The following TMEM131L variants were observed in gnomAD, a reference collection of about 807,000 sequenced individuals.
TMEM131L encodes transmembrane 131 like.
TMEM131L carries 54 observed loss-of-function variants against 192.2 expected under a neutral mutation model. That is an observed-to-expected ratio of 0.28 (90% CI 0.23 to 0.35). TMEM131L has a LOEUF of 0.35. Ranked by LOEUF, TMEM131L falls within the 10% of genes least tolerant of loss-of-function variation. TMEM131L has a pLI of 1.00. For missense variants in TMEM131L, 1,888 were observed against 1,972.9 expected (o/e 0.96, Z 0.82); for synonymous variants, 701 against 704.9 (o/e 0.99, Z 0.09).
At chr4:153,629,598 C>T (rs1734076544) in intron 31 of TMEM131L, among the ~76,000 whole-genome samples, 1 of 152,200 alleles carries the variant, frequency 6.6e-6, no homozygotes, top group Non-Finnish European at 1.5e-5. Context: ...ATGTGAGTTG[C>T]CCATTCAAAT....
At chr4:153,575,517 G>C (rs1371243674) in intron 7 of TMEM131L, among the ~76,000 whole-genome samples, 1 of 151,910 alleles carries the variant, frequency 6.6e-6, no homozygotes, top group East Asian at 1.9e-4. Context: ...TGAAAAACCT[G>C]ATTTTTTTTT....
intron 15 of TMEM131L, 143 bp downstream of exon 15, chr4:153,587,954 C>A: frequency 1.6e-6 from 1 of 635,772 alleles, no homozygotes; most frequent in Non-Finnish European, 2.8e-6. Context: ...AACAGAATGA[C>A]TTAAAATTGT....
chr4:153,516,388 C>T (rs560564094), intron 3 of TMEM131L, among the ~76,000 whole-genome samples: 7 of 152,238 alleles, frequency 4.6e-5, no homozygotes, highest in Admixed American at 4.6e-4. Context: ...CACCACTGTG[C>T]CGGGCTAATT....
At position 153,557,014 on chromosome 4, in the gene TMEM131L, A is replaced by C; in HGVS notation, c.481A>C (p.Thr161Pro). 1 of 1,603,308 alleles carries C rather than the reference A, an allele frequency of 6.2e-7. No homozygotes were observed. The highest frequency in any genetic ancestry group is 8.5e-7 in the Non-Finnish European group (1 of 1,171,202). The change falls in exon 6 of 35, where the codon ACT (threonine) becomes CCT (proline). Residue 161 changes from threonine (T) to proline (P), a missense_variant. Physicochemically the swap from Thr to Pro is conservative, Grantham distance 38. Coordinates refer to ENST00000409959, the MANE Select transcript of TMEM131L (RefSeq NM_001131007.2). ...KTSFRIIFLP[T>P]EEGSIESSLF... is the part of the protein sequence containing the mutation. ...TTCCTTCAGAATTATTTTCTTACCT[A>C]CTGAAGAAGGAAGCATTGAAAGTTC...
intron 25 of TMEM131L, among the ~76,000 whole-genome samples, chr4:153,606,247 TC>T (rs1261971443): frequency 1.3e-5 from 2 of 152,118 alleles, no homozygotes; most frequent in Non-Finnish European, 2.9e-5. Context: ...GTTACGTGAG[TC>T]TTTTAGGCTT....
intron 16 of TMEM131L, among the ~76,000 whole-genome samples, chr4:153,589,656 C>T (rs767578423): frequency 8.5e-5 from 13 of 152,198 alleles, no homozygotes; most frequent in East Asian, 1.9e-4. Context: ...TAAGGGCCAA[C>T]GACTGCACAC....
intron 7 of TMEM131L, among the ~76,000 whole-genome samples, chr4:153,562,251 T>C (rs1388143565): frequency 6.6e-6 from 1 of 152,140 alleles, no homozygotes; most frequent in Non-Finnish European, 1.5e-5. Context: ...TTGATCAGGC[T>C]GGTCTCAAAC....
chr4:153,549,955 A>G (rs565812852), intron 3 of TMEM131L, 118 bp from the exon 4 acceptor site: 5 of 448,050 alleles, frequency 1.1e-5, no homozygotes, highest in African/African-American at 6.1e-5. Flanking sequence ...ATCATTTAAA[A>G]TCTATGAGGG....
At chr4:153,467,901 A>G (rs1487200306) in intron 2 of TMEM131L, among the ~76,000 whole-genome samples, 1 of 152,246 alleles carries the variant, frequency 6.6e-6, no homozygotes, top group Non-Finnish European at 1.5e-5. Flanking sequence ...CAACAGATAC[A>G]GTACTGCAAA....
At chr4:153,488,916 T>C (rs1732565408) in intron 3 of TMEM131L, among the ~76,000 whole-genome samples, 1 of 152,044 alleles carries the variant, frequency 6.6e-6, no homozygotes, top group Non-Finnish European at 1.5e-5. Context: ...CGCACAGCGC[T>C]CTCCCTGGGT....
Position 153,596,175 on chromosome 4 carries a change from G to A in TMEM131L, c.1996-83G>A, listed in dbSNP as rs919790224. 4.1e-5 allele frequency: 61 copies of A among 1,473,766 alleles called. No individual in the cohort carries two copies. In the South Asian group the frequency reaches 5.5e-4, roughly 13 times the overall value. 91.3% of individuals were successfully genotyped at this position (1,473,766 alleles called of 1,614,324 possible). ...TCTGGACATTAAAAGAGAAGCAATC[G>A]TGTTTAAACTCTAGGATGCACTTAA... On this transcript the variant is annotated intron_variant, in intron 19 of 34. Coordinates refer to ENST00000409959, the MANE Select transcript of TMEM131L (RefSeq NM_001131007.2).
chr4:153,629,473 A>G (rs1436471099), intron 31 of TMEM131L, among the ~76,000 whole-genome samples: 1 of 152,218 alleles, frequency 6.6e-6, no homozygotes, highest in African/African-American at 2.4e-5. Context: ...CAAATCTACT[A>G]TAATACTTCC....
intron 3 of TMEM131L, among the ~76,000 whole-genome samples, chr4:153,503,263 C>T (rs367856391): frequency 7.9e-5 from 12 of 152,072 alleles, no homozygotes; most frequent in Non-Finnish European, 8.8e-5. Flanking sequence ...TTTTAGAATA[C>T]GGGGGAACAT....
chr4:153,527,216 A>T (rs550642914), intron 3 of TMEM131L, among the ~76,000 whole-genome samples: 1 of 152,220 alleles, frequency 6.6e-6, no homozygotes, highest in East Asian at 1.9e-4. Context: ...GGGGGAGGTG[A>T]AAGTAATTTT....
intron 9 of TMEM131L, among the ~76,000 whole-genome samples, chr4:153,582,082 C>T (rs1177042784): frequency 6.6e-6 from 1 of 152,174 alleles, no homozygotes; most frequent in Non-Finnish European, 1.5e-5. Context: ...TTCCTAAGAA[C>T]TTTTTTCAGA....
intron 3 of TMEM131L, among the ~76,000 whole-genome samples, chr4:153,523,399 C>A (rs1735253333): frequency 6.6e-6 from 1 of 152,156 alleles, no homozygotes; most frequent in South Asian, 2.1e-4. Context: ...ACTAGCTATT[C>A]ATTTTAGGAA....
intron 3 of TMEM131L, among the ~76,000 whole-genome samples, chr4:153,529,904 A>T: frequency 6.6e-6 from 1 of 152,222 alleles, no homozygotes; most frequent in Admixed American, 6.5e-5. Flanking sequence ...ATGTTACCAT[A>T]TGTTCATTTC....
intron 21 of TMEM131L, among the ~76,000 whole-genome samples, chr4:153,598,957 T>G (rs750598208): frequency 9.2e-5 from 14 of 152,206 alleles, no homozygotes; most frequent in Non-Finnish European, 1.5e-4. Context: ...TAACTCAACT[T>G]AGATAATAGA....
intron 3 of TMEM131L, among the ~76,000 whole-genome samples, chr4:153,505,109 C>CTTTTTT (rs34450106): frequency 2.1e-5 from 3 of 141,314 alleles, no homozygotes; most frequent in African/African-American, 5.2e-5. Flanking sequence ...TTCTTTCTTT[C>CTTTTTT]TTTTTTTTTT....
Sources: allele counts gnomAD v4.1 joint callset (sites outside exome capture counted in the v4.1 genomes callset), GRCh38; gene constraint gnomAD v4.1.1; transcripts MANE v1.5; gene names NCBI Gene and HGNC (gene_info 2026-07-23, HGNC 2026-07-21).